Variants in OSMR observed in about 807,000 individuals in gnomAD.
OSMR encodes oncostatin M receptor, also known as oncostatin-M-specific receptor subunit beta.
Under a neutral mutation model 99.9 loss-of-function variants are expected in OSMR, and 81 were observed. That is an observed-to-expected ratio of 0.81 (90% CI 0.68 to 0.97). The LOEUF is 0.97. Among genes scored for constraint, OSMR ranks in the 50% least tolerant of loss-of-function variants. The pLI is 0.00. For synonymous variants in OSMR, 406 were observed against 410.4 expected (o/e 0.99, Z 0.13); for missense variants, 1,099 against 1,153.4 (o/e 0.95, Z 0.68).
intron 7 of OSMR, among the ~76,000 whole-genome samples, chr5:38,888,244 CT>C (rs955629742): frequency 6.6e-6 from 1 of 152,122 alleles, no homozygotes; most frequent in Non-Finnish European, 1.5e-5. Context: ...CCGCCCTAGC[CT>C]TTTAATATGC....
rs79151103 is a variant in OSMR at position 38,897,497 on chromosome 5, C to T, written c.992-6385C>T. Among the ~76,000 whole-genome samples the T allele has an allele frequency of 5.4e-3, 824 of 151,996 alleles. 6 individuals carry two copies. Among genetic ancestry groups the T allele is most frequent in the Middle Eastern group, 0.02 (6 of 294 alleles). On this transcript the variant is annotated intron_variant, in intron 7 of 17. Transcript: ENST00000274276. Reference sequence around the variant, plus strand: ...TCTGCAGTATCAGTTGTAATATCTCCCTTTTTATCTTTGATTTTATTTATT... The same window carrying T: ...TCTGCAGTATCAGTTGTAATATCTCTCTTTTTATCTTTGATTTTATTTATT...
chr5:38,902,221 G>T (rs572255729), intron 7 of OSMR, among the ~76,000 whole-genome samples: 97 of 152,376 alleles, frequency 6.4e-4, no homozygotes, highest in Middle Eastern at 3.4e-3. Flanking sequence ...AACTTGGGGA[G>T]CTTAGGTGGC....
chr5:38,862,787 CG>C (rs1302172584), intron 1 of OSMR, among the ~76,000 whole-genome samples: 1 of 151,794 alleles, frequency 6.6e-6, no homozygotes, highest in Non-Finnish European at 1.5e-5. Flanking sequence ...GCTGCAATCT[CG>C]GCACTTTGGG....
intron 1 of OSMR, among the ~76,000 whole-genome samples, chr5:38,852,784 G>T (rs1014736993): frequency 1.7e-5 from 2 of 117,126 alleles, no homozygotes; most frequent in African/African-American, 6.5e-5. Flanking sequence ...AAGCTGGACT[G>T]CAGTGGCGCT....
chr5:38,870,309 C>G (rs1742277279), intron 2 of OSMR, among the ~76,000 whole-genome samples: 1 of 150,650 alleles, frequency 6.6e-6, no homozygotes, highest in Non-Finnish European at 1.5e-5. Flanking sequence ...AGAGGTCAAA[C>G]CATATAATAA....
At chr5:38,874,949 C>T (rs998441689) in intron 2 of OSMR, among the ~76,000 whole-genome samples, 2 of 152,164 alleles carry the variant, frequency 1.3e-5, no homozygotes, top group South Asian at 2.1e-4. Context: ...TTTTTACTTC[C>T]CTAAGAGAAA....
At position 38,885,344 on chromosome 5, in the gene OSMR, G is replaced by C; in HGVS notation, c.704-5G>C. ...AACTAGGTCTGTTTTCCTTTGTATG[G>C]ACAGAAGTACTTGAGGAGCCCAAGG... On this transcript the variant is annotated splice_polypyrimidine_tract_variant and splice_region_variant and intron_variant, in intron 5 of 17. Transcript: ENST00000274276. The C allele has an allele frequency of 6.2e-7, 1 of 1,613,678 alleles. No individual in the cohort carries two copies. Among genetic ancestry groups the C allele is most frequent in the Non-Finnish European group, 8.5e-7 (1 of 1,179,786 alleles).
At position 38,935,073 on chromosome 5, in the gene OSMR, G is replaced by C. The variant is rs1279582731; in HGVS notation, c.*1629G>C. 6.6e-6 allele frequency: 1 copy of C among 152,494 alleles called. No individual in the cohort carries two copies. The highest frequency in any genetic ancestry group is 1.5e-5 in the Non-Finnish European group (1 of 68,334). 9.4% of individuals were successfully genotyped at this position (152,494 alleles called of 1,614,324 possible). A position where few individuals can be genotyped will look rare whatever the true frequency, so the allele number is the denominator to read the frequency against. On this transcript the variant is annotated 3_prime_UTR_variant, in exon 18 of 18. Coordinates refer to ENST00000274276, the MANE Select transcript of OSMR (RefSeq NM_003999.3). Reference sequence around the variant, plus strand: ...TGTTCTCGAACTCCTGACCTCAGGTGATCTGCCTGCCTTGGCCTCCCAAAG... The same window carrying C: ...TGTTCTCGAACTCCTGACCTCAGGTCATCTGCCTGCCTTGGCCTCCCAAAG...
downstream of OSMR, chr5:38,945,575 C>T: frequency 6.2e-7 from 1 of 1,614,108 alleles, no homozygotes; most frequent in Admixed American, 1.7e-5. Context: ...CAGTTATCAT[C>T]TGTATGTTCC....
chr5:38,936,560 A>G (rs1747054090), downstream of OSMR, among the ~76,000 whole-genome samples: 1 of 152,188 alleles, frequency 6.6e-6, no homozygotes, highest in Admixed American at 6.5e-5. Flanking sequence ...CACCTAACCC[A>G]TACTAATTAG....
intron 9 of OSMR, among the ~76,000 whole-genome samples, chr5:38,910,709 C>T (rs1028094271): frequency 5.3e-5 from 8 of 152,084 alleles, no homozygotes; most frequent in Non-Finnish European, 1.2e-4. Context: ...ACAGCAAAGC[C>T]ATGTTAAGAG....
At chr5:38,878,163 C>A (rs1742989696) in intron 3 of OSMR, among the ~76,000 whole-genome samples, 1 of 152,148 alleles carries the variant, frequency 6.6e-6, no homozygotes, top group African/African-American at 2.4e-5. Flanking sequence ...CATCGGTGGA[C>A]ACATGTCCTA....
chr5:38,904,140 G>A, intron 8 of OSMR, 116 bp downstream of exon 8: 1 of 1,543,400 alleles, frequency 6.5e-7, no homozygotes, highest in Non-Finnish European at 8.7e-7. Flanking sequence ...AATGGTGTGG[G>A]TCATCTGTTT....
downstream of OSMR, among the ~76,000 whole-genome samples, chr5:38,935,802 T>C (rs1561419808): frequency 6.6e-6 from 1 of 152,148 alleles, no homozygotes; most frequent in Non-Finnish European, 1.5e-5. Context: ...ATCTATTTTT[T>C]ATCATCAGTT....
downstream of OSMR, among the ~76,000 whole-genome samples, chr5:38,936,802 CAATA>C (rs1747067070): frequency 2.0e-5 from 3 of 152,192 alleles, no homozygotes; most frequent in South Asian, 6.2e-4. Flanking sequence ...GTTTACAACA[CAATA>C]GGTATATTCA....
chr5:38,853,518 TC>T (rs140457934), intron 1 of OSMR, among the ~76,000 whole-genome samples: 38,664 of 152,118 alleles, frequency 0.25, 5,242 homozygotes, highest in South Asian at 0.43. Context: ...TATTACAGCT[TC>T]CTTTTCCCAC....
chr5:38,859,336 C>T (rs1741096639), intron 1 of OSMR, among the ~76,000 whole-genome samples: 2 of 152,114 alleles, frequency 1.3e-5, no homozygotes, highest in African/African-American at 2.4e-5. Flanking sequence ...GTTTTCCCAG[C>T]ACCATTTTTC....
chr5:38,848,055 T>TA (rs1740020218), intron 1 of OSMR, among the ~76,000 whole-genome samples: 1 of 152,164 alleles, frequency 6.6e-6, no homozygotes, highest in Non-Finnish European at 1.5e-5. Context: ...GGAGAACTGT[T>TA]ACGGTTTTCA....
chr5:38,871,489 T>A (rs886512849), intron 2 of OSMR, among the ~76,000 whole-genome samples: 4 of 152,206 alleles, frequency 2.6e-5, no homozygotes, highest in Non-Finnish European at 4.4e-5. Context: ...AAACTCCCAC[T>A]CAAACTATTT....
Sources: allele counts gnomAD v4.1 joint callset (sites outside exome capture counted in the v4.1 genomes callset), GRCh38; gene constraint gnomAD v4.1.1; transcripts MANE v1.5; gene names NCBI Gene and HGNC (gene_info 2026-07-23, HGNC 2026-07-21).